STIM1: variants seen among roughly 807,000 people sequenced by gnomAD.
STIM1 encodes stromal interaction molecule 1.
In STIM1, 25 loss-of-function variants were observed where a neutral mutation model predicts 74.7. The ratio of observed to expected loss-of-function variants is 0.33; its 90% CI spans 0.24 to 0.47. The LOEUF is 0.47. Among genes scored for constraint, STIM1 ranks in the 20% least tolerant of loss-of-function variants. The pLI is 1.00. For missense variants in STIM1, 728 were observed against 920.8 expected (o/e 0.79, Z 2.71); for synonymous variants, 328 against 348.8 (o/e 0.94, Z 0.66).
At chr11:4,022,291 A>G (rs1490624163) in intron 2 of STIM1, among the ~76,000 whole-genome samples, 1 of 146,756 alleles carries the variant, frequency 6.8e-6, no homozygotes, top group Non-Finnish European at 1.5e-5. Flanking sequence ...AGCTGAGATC[A>G]TGCCACTGCA....
chr11:3,951,869 A>G (rs964958514), intron 1 of STIM1, among the ~76,000 whole-genome samples: 2 of 152,174 alleles, frequency 1.3e-5, no homozygotes, highest in East Asian at 3.9e-4. Context: ...GTCAGGCGCC[A>G]GTCAGATAAT....
chr11:3,940,569 A>G (rs1229634020), intron 1 of STIM1, among the ~76,000 whole-genome samples: 1 of 152,202 alleles, frequency 6.6e-6, no homozygotes. Flanking sequence ...TAAAGCACCA[A>G]CATAGTGGCT....
chr11:3,932,682 AAAAAG>A (rs2092882813), intron 1 of STIM1, among the ~76,000 whole-genome samples: 1 of 151,166 alleles, frequency 6.6e-6, no homozygotes, highest in Non-Finnish European at 1.5e-5. Context: ...AAAAAAAAAA[AAAAAG>A]AAAAGAAAAG....
chr11:3,994,656 C>T (rs566541037), intron 2 of STIM1, among the ~76,000 whole-genome samples: 46 of 152,030 alleles, frequency 3.0e-4, no homozygotes, highest in African/African-American at 9.9e-4. Flanking sequence ...GATGTGGTTT[C>T]GCCATGTTGT....
chr11:4,001,510 A>G (rs981650814), intron 2 of STIM1, among the ~76,000 whole-genome samples: 4 of 152,220 alleles, frequency 2.6e-5, no homozygotes, highest in African/African-American at 9.6e-5. Flanking sequence ...CAGGAGAAAT[A>G]AAATACTTTA....
chr11:3,934,220 C>CT (rs56117114), intron 1 of STIM1, among the ~76,000 whole-genome samples: 22 of 149,142 alleles, frequency 1.5e-4, no homozygotes, highest in South Asian at 1.1e-3. Flanking sequence ...TTTCAGCACT[C>CT]TTTTTTTTTT....
At chr11:4,004,574 C>G (rs1411785689) in intron 2 of STIM1, among the ~76,000 whole-genome samples, 6 of 151,382 alleles carry the variant, frequency 4.0e-5, no homozygotes, top group African/African-American at 1.5e-4. Context: ...ATACCTTATA[C>G]AAAAATTAAT....
chr11:3,978,556 T>A (rs1590618509), intron 2 of STIM1, among the ~76,000 whole-genome samples: 3 of 148,894 alleles, frequency 2.0e-5, no homozygotes, highest in African/African-American at 7.4e-5. Flanking sequence ...AGGTCAGGAG[T>A]TTGAGACCAG....
chr11:3,973,834 C>T lies in STIM1; in HGVS notation c.270+6152C>T, dbSNP rs376586445. 1.9e-3 allele frequency: 743 copies of T among 388,938 alleles called. 2 individuals are homozygous for T. Among genetic ancestry groups the T allele is most frequent in the African/African-American group, 0.014 (688 of 49,130 alleles). 24.1% of individuals were successfully genotyped at this position (388,938 alleles called of 1,614,324 possible). ...GCTCAAACGATCTTCCTGTCTCAGCCTCTTGAATAGCTGGGACTATAGGCA... is the reference window on the plus strand; with the variant it reads ...GCTCAAACGATCTTCCTGTCTCAGCTTCTTGAATAGCTGGGACTATAGGCA... On this transcript the variant is annotated intron_variant, in intron 2 of 12. Coordinates refer to ENST00000526596, the MANE Select transcript of STIM1 (RefSeq NM_001382567.1).
At chr11:3,981,008 A>AT (rs1565135764) in intron 2 of STIM1, among the ~76,000 whole-genome samples, 1 of 152,054 alleles carries the variant, frequency 6.6e-6, no homozygotes, top group African/African-American at 2.4e-5. Context: ...ATATATATAT[A>AT]TTTTTTGGAG....
intron 2 of STIM1, among the ~76,000 whole-genome samples, chr11:4,006,800 G>A (rs1288713005): frequency 1.3e-5 from 2 of 152,180 alleles, no homozygotes; most frequent in African/African-American, 4.8e-5. Context: ...GAGCAGCAGA[G>A]AAAGTGGGAA....
At chr11:3,880,740 GCT>G (rs1224603823) in intron 1 of STIM1, among the ~76,000 whole-genome samples, 2 of 152,124 alleles carry the variant, frequency 1.3e-5, no homozygotes, top group Non-Finnish European at 2.9e-5. Context: ...CCAGCCTCTA[GCT>G]CTCTGCTAGC....
chr11:4,009,334 C>T (rs1256544720), intron 2 of STIM1, among the ~76,000 whole-genome samples: 11 of 130,320 alleles, frequency 8.4e-5, no homozygotes, highest in South Asian at 2.6e-4. Context: ...AATTTGTGGC[C>T]GGGTGTGGTG....
chr11:3,918,631 G>T (rs991844020), intron 1 of STIM1, among the ~76,000 whole-genome samples: 2 of 152,044 alleles, frequency 1.3e-5, no homozygotes, highest in Non-Finnish European at 2.9e-5. Context: ...TTTTGGCTTG[G>T]GTCCTATGCC....
At chr11:4,083,006 C>T in intron 9 of STIM1, 24 bp downstream of exon 9, 2 of 1,582,312 alleles carry the variant, frequency 1.3e-6, no homozygotes, top group South Asian at 2.2e-5. Flanking sequence ...GTTATCTACT[C>T]TGGCAATGTC....
At chr11:3,945,280 C>A (rs1045876336) in intron 1 of STIM1, among the ~76,000 whole-genome samples, 1 of 152,002 alleles carries the variant, frequency 6.6e-6, no homozygotes, top group African/African-American at 2.4e-5. Context: ...GGTAAGCATT[C>A]AAAAATGTTG....
intron 6 of STIM1, among the ~76,000 whole-genome samples, chr11:4,073,255 A>G (rs1170363492): frequency 6.7e-6 from 1 of 149,638 alleles, no homozygotes; most frequent in Admixed American, 6.6e-5. Context: ...GGTGGTTTTT[A>G]CTTAGAAAGG....
chr11:3,917,498 G>A (rs1034912726), intron 1 of STIM1, among the ~76,000 whole-genome samples: 7 of 149,430 alleles, frequency 4.7e-5, no homozygotes, highest in Admixed American at 1.3e-4. Context: ...GCAGTGACAC[G>A]ATCTTGGTTC....
At chr11:4,077,531 T>C (rs893682541) in intron 7 of STIM1, among the ~76,000 whole-genome samples, 2 of 152,146 alleles carry the variant, frequency 1.3e-5, no homozygotes, top group African/African-American at 4.8e-5. Context: ...GGTTAATAAA[T>C]TTGAATTCCT....
Sources: gnomAD v4.1 joint callset for allele counts (sites outside exome capture counted in the v4.1 genomes callset) on GRCh38, gnomAD v4.1.1 for gene constraint, MANE v1.5 for transcripts, NCBI Gene and HGNC (gene_info 2026-07-23, HGNC 2026-07-21) for gene names.